FRMPD4: variants seen among roughly 807,000 people sequenced by gnomAD.
FRMPD4 encodes the protein FERM and PDZ domain containing 4, also known as FERM and PDZ domain-containing protein 4.
Under a neutral mutation model 94.1 loss-of-function variants are expected in FRMPD4, and 22 were observed. That is an observed-to-expected ratio of 0.23 (90% CI 0.17 to 0.33). FRMPD4 has a LOEUF of 0.33. FRMPD4 is among the 10% of genes least tolerant of loss of function. The probability of loss-of-function intolerance (pLI) is 1.00; values close to 1 mark genes in which losing one functional copy is unlikely to be tolerated. For synonymous variants in FRMPD4, 631 were observed against 548.6 expected, an observed-to-expected ratio of 1.15 and a Z score of -2.10; for missense variants, 1,111 against 1,339.9, an observed-to-expected ratio of 0.83 and a Z score of 2.67.
At chrX:12,276,385 C>A (rs750075077) in intron 1 of FRMPD4, among the ~76,000 whole-genome samples, 85 of 112,220 alleles carry the variant, frequency 7.6e-4, no homozygotes, top group Middle Eastern at 4.6e-3. Context: ...TCAATCAATA[C>A]ATGTAAGATG....
At chrX:12,054,846 G>A (rs901776877) in intron 3 of FRMPD4, 4 of 111,769 alleles carry the variant, frequency 3.6e-5, no homozygotes, top group African/African-American at 1.3e-4. Context: ...AAATTCAGTG[G>A]TGAGAAGCGG....
intron 1 of FRMPD4, among the ~76,000 whole-genome samples, chrX:12,477,101 T>C (rs1423596753): frequency 8.9e-6 from 1 of 112,009 alleles, no homozygotes; most frequent in Non-Finnish European, 1.9e-5. Flanking sequence ...GTGACACATA[T>C]ACACCATGGA....
chrX:11,975,456 A>G (rs924377634), intron 3 of FRMPD4, among the ~76,000 whole-genome samples: 6 of 112,396 alleles, frequency 5.3e-5, no homozygotes, highest in Non-Finnish European at 1.1e-4. Context: ...TAGCACAAGA[A>G]CACCAAACAC....
At chrX:12,291,552 G>T (rs1270456395) in intron 1 of FRMPD4, among the ~76,000 whole-genome samples, 1 of 111,823 alleles carries the variant, frequency 8.9e-6, no homozygotes, top group Non-Finnish European at 1.9e-5. Flanking sequence ...TTCTACATGG[G>T]TATCCTACAG....
intron 2 of FRMPD4, among the ~76,000 whole-genome samples, chrX:12,599,838 C>T (rs2059068731): frequency 1.8e-5 from 2 of 110,709 alleles, no homozygotes; most frequent in Admixed American, 1.9e-4. Context: ...CATGTACTGC[C>T]CCAAATGTGT....
At chrX:11,900,375 G>A (rs768010631) in intron 3 of FRMPD4, among the ~76,000 whole-genome samples, 26 of 111,633 alleles carry the variant, frequency 2.3e-4, no homozygotes, top group African/African-American at 7.8e-4. Context: ...GCCAGGCCAG[G>A]ACAGGATAGG....
intron 3 of FRMPD4, among the ~76,000 whole-genome samples, chrX:12,010,768 T>C (rs923590010): frequency 1.8e-5 from 2 of 112,146 alleles, no homozygotes; most frequent in Admixed American, 9.5e-5. Flanking sequence ...ACAAAATAGA[T>C]GAAGAATGAA....
At chrX:12,470,375 C>T (rs1312610421) in intron 1 of FRMPD4, among the ~76,000 whole-genome samples, 4 of 111,839 alleles carry the variant, frequency 3.6e-5, no homozygotes, top group Middle Eastern at 4.2e-3. Context: ...ACAGTTACAG[C>T]GACTGATGAG....
intron 3 of FRMPD4, among the ~76,000 whole-genome samples, chrX:12,086,469 C>T (rs955934117): frequency 3.5e-4 from 39 of 111,754 alleles, no homozygotes; most frequent in Admixed American, 1.1e-3. Flanking sequence ...AGTTTATATT[C>T]CTGGAATGGA....
At chrX:12,310,612 G>A (rs1192372133) in intron 1 of FRMPD4, among the ~76,000 whole-genome samples, 2 of 111,957 alleles carry the variant, frequency 1.8e-5, no homozygotes, top group Admixed American at 1.9e-4. Flanking sequence ...ATATTCATAG[G>A]GAATGTATTC....
chrX:11,948,158 A>G (rs1176645938), intron 3 of FRMPD4, among the ~76,000 whole-genome samples: 1 of 109,785 alleles, frequency 9.1e-6, no homozygotes, highest in Non-Finnish European at 1.9e-5. Flanking sequence ...ATTGCCTAAC[A>G]CTAACATTTT....
At chrX:12,054,405 G>T (rs1165899505) in intron 3 of FRMPD4, among the ~76,000 whole-genome samples, 2 of 110,863 alleles carry the variant, frequency 1.8e-5, no homozygotes, top group Non-Finnish European at 3.8e-5. Context: ...TCCTTGGACT[G>T]GTCTTCAGTG....
chrX:12,050,606 A>G (rs750415742), intron 3 of FRMPD4, among the ~76,000 whole-genome samples: 1 of 111,026 alleles, frequency 9.0e-6, no homozygotes, highest in Admixed American at 9.6e-5. Flanking sequence ...GGTTTTATTG[A>G]TTTTTTCTAT....
chrX:12,441,067 C>T (rs190440934), intron 1 of FRMPD4, among the ~76,000 whole-genome samples: 13 of 112,116 alleles, frequency 1.2e-4, no homozygotes, highest in African/African-American at 3.9e-4. Flanking sequence ...CATGTATCTG[C>T]GAATAATTCA....
intron 1 of FRMPD4, among the ~76,000 whole-genome samples, chrX:11,843,061 G>C (rs2053548308): frequency 8.9e-6 from 1 of 111,867 alleles, no homozygotes; most frequent in Admixed American, 9.5e-5. Flanking sequence ...ATGATCACAT[G>C]GTTTTTTGTC....
intron 1 of FRMPD4, among the ~76,000 whole-genome samples, chrX:12,386,901 G>A (rs750096730): frequency 2.7e-5 from 3 of 111,706 alleles, no homozygotes; most frequent in African/African-American, 9.7e-5. Flanking sequence ...GAATCATTAC[G>A]GACAATTTGT....
At chrX:12,326,924 T>G (rs2055298186) in intron 1 of FRMPD4, among the ~76,000 whole-genome samples, 1 of 111,072 alleles carries the variant, frequency 9.0e-6, no homozygotes. Flanking sequence ...ATCGCACCAC[T>G]GCACTCCAGC....
Position 12,716,508 on chromosome X carries a change from G to A in FRMPD4, c.2049G>A (p.Glu683=). Residue 683 remains glutamate, a synonymous_variant, in exon 15 of 17, where the codon GAG becomes GAA. Coordinates refer to ENST00000675598, the MANE Select transcript of FRMPD4 (RefSeq NM_001368397.1). ...TAGATGAGGGTCCTGAAATGCTGGA[G>A]AAGCAGAGAAATCTCTACATTGGCA... ...TLLDEGPEML[E]KQRNLYIGSA... The A allele has an allele frequency of 8.3e-6, 10 of 1,209,948 alleles. No individual in the cohort carries two copies. Among genetic ancestry groups the A allele is most frequent in the Non-Finnish European group, 1.0e-5 (9 of 894,094 alleles).
intron 1 of FRMPD4, among the ~76,000 whole-genome samples, chrX:12,456,662 CAGATGAAAATAACTTATTGTAAGATTCTT>C (rs2057337096): frequency 8.9e-6 from 1 of 112,625 alleles, no homozygotes; most frequent in South Asian, 3.7e-4. Flanking sequence ...GGATAAATGA[CAGATGAAAATAACTTATTGTAAGATTCTT>C]AAATAATTTT....
Sources: gnomAD v4.1 joint callset for allele counts (sites outside exome capture counted in the v4.1 genomes callset) on GRCh38, gnomAD v4.1.1 for gene constraint, MANE v1.5 for transcripts, NCBI Gene and HGNC (gene_info 2026-07-23, HGNC 2026-07-21) for gene names.